Variants in RTL4 observed in about 807,000 individuals in gnomAD.
RTL4 encodes retrotransposon Gag-like protein 4.
Under a neutral mutation model 5.3 loss-of-function variants are expected in RTL4, and 4 were observed. That is an observed-to-expected ratio of 0.75 (90% CI 0.37 to 1.72). The LOEUF (loss-of-function observed/expected upper bound fraction) is 1.72, where lower values mean the gene tolerates loss of function less well. Ranked by LOEUF, RTL4 falls within the 40% of genes most tolerant of loss-of-function variation. The pLI is 0.04. For synonymous variants in RTL4, 98 were observed against 87.3 expected (o/e 1.12, Z -0.68); for missense variants, 260 against 227.1 (o/e 1.14, Z -0.93).
chrX:112,398,405 T>G, the RTL4 span, among the ~76,000 whole-genome samples: 30 of 94,176 alleles, frequency 3.2e-4, no homozygotes, highest in Non-Finnish European at 5.1e-4. Context: ...TCTTTTTTTT[T>G]TTTTTTTTTT....
the RTL4 span, among the ~76,000 whole-genome samples, chrX:112,322,991 G>A: frequency 8.9e-6 from 1 of 112,006 alleles, no homozygotes; most frequent in African/African-American, 3.2e-5. Context: ...GTTTGACACT[G>A]TAAAGAATAC....
chrX:112,187,588 G>A, the RTL4 span, among the ~76,000 whole-genome samples: 2 of 111,689 alleles, frequency 1.8e-5, no homozygotes, highest in South Asian at 3.7e-4. Flanking sequence ...GTTAGGACCC[G>A]ATATGCCATA....
At chrX:112,330,470 G>A in the RTL4 span, among the ~76,000 whole-genome samples, 14 of 110,464 alleles carry the variant, frequency 1.3e-4, no homozygotes, top group African/African-American at 3.0e-4. Flanking sequence ...GACCTCTTCA[G>A]GGAGAACTAC....
At chrX:112,106,688 T>G in the RTL4 span, among the ~76,000 whole-genome samples, 1 of 111,002 alleles carries the variant, frequency 9.0e-6, no homozygotes, top group East Asian at 2.8e-4. Flanking sequence ...TTATTTTTTG[T>G]TTTTTTTGCT....
the RTL4 span, among the ~76,000 whole-genome samples, chrX:112,322,403 AT>A: frequency 9.3e-6 from 1 of 107,182 alleles, no homozygotes; most frequent in Non-Finnish European, 1.9e-5. Context: ...ATGTTTCTTC[AT>A]TTCCGACTAC....
At chrX:112,095,159 C>T in the RTL4 span, among the ~76,000 whole-genome samples, 1 of 111,030 alleles carries the variant, frequency 9.0e-6, no homozygotes, top group Non-Finnish European at 1.9e-5. Flanking sequence ...AAGAAAGGAG[C>T]AAAAAGTATC....
At chrX:112,381,558 A>T in the RTL4 span, 2 of 1,187,256 alleles carry the variant, frequency 1.7e-6, no homozygotes, top group Non-Finnish European at 2.3e-6. Flanking sequence ...CAACCTGAGA[A>T]GGTATGGAAC....
the RTL4 span, among the ~76,000 whole-genome samples, chrX:112,419,595 T>TTACATATGTATATGTGTATATATATATA: frequency 6.0e-4 from 17 of 28,151 alleles, 1 homozygote; most frequent in East Asian, 3.0e-3. Context: ...ATATATATAT[T>TTACATATGTATATGTGTATATATATATA]TTTACATATG....
At chrX:112,180,950 G>A in the RTL4 span, among the ~76,000 whole-genome samples, 2 of 112,019 alleles carry the variant, frequency 1.8e-5, no homozygotes, top group African/African-American at 3.2e-5. Context: ...ACAGAAGGCA[G>A]GTGATTTCCG....
chrX:112,239,441 G>A, the RTL4 span, among the ~76,000 whole-genome samples: 1 of 111,736 alleles, frequency 8.9e-6, no homozygotes, highest in East Asian at 2.8e-4. Flanking sequence ...GAGACTGAAT[G>A]ATGAGGTGTA....
chrX:112,165,377 G>A, the RTL4 span, among the ~76,000 whole-genome samples: 1 of 111,981 alleles, frequency 8.9e-6, no homozygotes, highest in African/African-American at 3.2e-5. Flanking sequence ...ACAATAGACT[G>A]TACCATCCTA....
the RTL4 span, among the ~76,000 whole-genome samples, chrX:112,395,425 T>C: frequency 1.8e-5 from 2 of 110,992 alleles, no homozygotes; most frequent in African/African-American, 6.5e-5. Context: ...ACTTCAAATA[T>C]ATAAAATAAA....
chrX:112,191,379 A>T, the RTL4 span, among the ~76,000 whole-genome samples: 1 of 111,642 alleles, frequency 9.0e-6, no homozygotes, highest in Admixed American at 9.6e-5. Flanking sequence ...ACTATAAATG[A>T]AATGGCTCCT....
chrX:112,321,020 C>G, the RTL4 span, among the ~76,000 whole-genome samples: 3 of 111,235 alleles, frequency 2.7e-5, no homozygotes, highest in African/African-American at 9.8e-5. Flanking sequence ...AAACAACATT[C>G]ACCTCATCTT....
the RTL4 span, among the ~76,000 whole-genome samples, chrX:112,257,655 A>G: frequency 9.1e-6 from 1 of 109,474 alleles, no homozygotes; most frequent in Non-Finnish European, 1.9e-5. Flanking sequence ...TTATAATGGT[A>G]CTTACCCATT....
chrX:112,337,189 C>T, the RTL4 span, among the ~76,000 whole-genome samples: 3 of 111,837 alleles, frequency 2.7e-5, no homozygotes, highest in Non-Finnish European at 5.6e-5. Context: ...TCCCAGTCTG[C>T]CTATCCTAAT....
At chrX:112,372,714 G>C in the RTL4 span, among the ~76,000 whole-genome samples, 1 of 111,844 alleles carries the variant, frequency 8.9e-6, no homozygotes, top group Non-Finnish European at 1.9e-5. Context: ...TTCTTCACAA[G>C]CACCTGGAGA....
chrX:112,383,557 GA>G, the RTL4 span, among the ~76,000 whole-genome samples: 34 of 111,295 alleles, frequency 3.1e-4, no homozygotes, highest in African/African-American at 1.1e-3. Context: ...TTATCCACTG[GA>G]AAAAAATATT....
chrX:112,139,950 C>T, the RTL4 span, among the ~76,000 whole-genome samples: 2 of 111,897 alleles, frequency 1.8e-5, no homozygotes, highest in Admixed American at 1.9e-4. Flanking sequence ...TAAGAAGTGC[C>T]TTTCACCTGC....
Sources: gnomAD v4.1 joint callset for allele counts (sites outside exome capture counted in the v4.1 genomes callset) on GRCh38, gnomAD v4.1.1 for gene constraint, MANE v1.5 for transcripts, NCBI Gene and HGNC (gene_info 2026-07-23, HGNC 2026-07-21) for gene names.